The following SUDS3 variants were observed in gnomAD, a reference collection of about 807,000 sequenced individuals.
The protein encoded by SUDS3 is sin3 histone deacetylase corepressor complex component SDS3.
A neutral mutation model predicts 53.5 loss-of-function variants in SUDS3; 23 were observed. The observed-to-expected ratio is 0.43, with a 90% confidence interval of 0.31 to 0.61. The LOEUF (loss-of-function observed/expected upper bound fraction) is 0.61. Among genes scored for constraint, SUDS3 ranks in the 20% least tolerant of loss-of-function variants. The probability of loss-of-function intolerance (pLI) is 0.10; values close to 1 mark genes in which losing one functional copy is unlikely to be tolerated. For synonymous variants in SUDS3, 150 were observed against 148.5 expected (o/e 1.01, Z -0.08); for missense variants, 291 against 405.9 (o/e 0.72, Z 2.43).
chr12:118,393,981 C>G (rs1379631043), intron 6 of SUDS3, among the ~76,000 whole-genome samples: 4 of 152,102 alleles, frequency 2.6e-5, no homozygotes, highest in African/African-American at 4.8e-5. Context: ...TGAGATCCTG[C>G]ATTTCTAACC....
In SUDS3 at chr12:118,416,989, A is replaced by G. The variant is rs914745183; in HGVS notation, c.*2556A>G. ...GTGTTGTGTTAGAGGCATCTGCCTC[A>G]AGTCTATGTACAGTGTTTGCTGCGG... On this transcript the variant is annotated 3_prime_UTR_variant, in exon 12 of 12. Coordinates refer to ENST00000543473, the MANE Select transcript of SUDS3 (RefSeq NM_022491.3). 5 of 152,328 alleles carry G rather than the reference A, an allele frequency of 3.3e-5. No individual in the cohort carries two copies. The highest frequency in any genetic ancestry group is 1.2e-4 in the African/African-American group (5 of 41,572). The allele number at this position is 152,328 out of a possible 1,614,324, so 9.4% of individuals were successfully genotyped here.
intron 1 of SUDS3, among the ~76,000 whole-genome samples, chr12:118,378,461 T>C (rs1452654086): frequency 7.9e-5 from 12 of 152,018 alleles, no homozygotes; most frequent in Admixed American, 3.9e-4. Context: ...TATTTACATT[T>C]TATTGGATAT....
At chr12:118,398,211 C>T (rs1355094114) in intron 6 of SUDS3, among the ~76,000 whole-genome samples, 2 of 152,176 alleles carry the variant, frequency 1.3e-5, no homozygotes, top group Admixed American at 6.5e-5. Flanking sequence ...CATATCATCA[C>T]ATGTAACCCT....
chr12:118,405,001 C>G (rs2046297153), intron 10 of SUDS3, among the ~76,000 whole-genome samples: 1 of 152,188 alleles, frequency 6.6e-6, no homozygotes, highest in Non-Finnish European at 1.5e-5. Flanking sequence ...ATCTCTAAGG[C>G]TGATCTTGAT....
intron 5 of SUDS3, among the ~76,000 whole-genome samples, chr12:118,390,427 T>C (rs1333638799): frequency 1.3e-5 from 2 of 152,228 alleles, no homozygotes; most frequent in Non-Finnish European, 2.9e-5. Context: ...GAATCTTGAA[T>C]GATGTACTGC....
intron 1 of SUDS3, 25 bp from the exon 2 acceptor site, chr12:118,380,137 G>A (rs1217607346): frequency 4.4e-6 from 7 of 1,586,324 alleles, no homozygotes; most frequent in Non-Finnish European, 2.6e-6. Context: ...ATTTTAACTA[G>A]CCCCTATTTC....
In SUDS3 at chr12:118,401,582, T is replaced by G. The variant is rs547825297; in HGVS notation, c.614-177T>G. On this transcript the variant is annotated intron_variant, in intron 7 of 11. Transcript: ENST00000543473. ...GGGGGATGTGAATTCTTTTATGTAT[T>G]GAAGTACCATGACATTTAGTAGGAG... Among the ~76,000 whole-genome samples the G allele has an allele frequency of 2.2e-4, 34 of 152,354 alleles. No homozygotes were observed. The South Asian group carries it at 6.8e-3, about 31-fold the overall frequency.
intron 2 of SUDS3, among the ~76,000 whole-genome samples, chr12:118,380,784 A>G (rs1593750108): frequency 6.6e-6 from 1 of 152,098 alleles, no homozygotes; most frequent in African/African-American, 2.4e-5. Context: ...TCCTCACTGC[A>G]ACCACCGCCT....
intron 2 of SUDS3, among the ~76,000 whole-genome samples, chr12:118,383,434 T>G (rs556803538): frequency 6.6e-6 from 1 of 152,362 alleles, no homozygotes; most frequent in South Asian, 2.1e-4. Flanking sequence ...TCGTGTGTGC[T>G]GTGTATTCCC....
At chr12:118,391,326 G>T (rs941511158) in intron 6 of SUDS3, 44 bp downstream of exon 6, 2 of 1,565,012 alleles carry the variant, frequency 1.3e-6, no homozygotes, top group Non-Finnish European at 8.6e-7. Flanking sequence ...CCCTGAGCGG[G>T]GGGGTGTGAA....
Position 118,403,445 on chromosome 12 carries a change from C to T in SUDS3, c.731C>T (p.Thr244Ile). Reference protein sequence around the residue: ...SPSSPEHLPATPAESPAQRFE... With the variant: ...SPSSPEHLPAIPAESPAQRFE... ...TCCTCTCCTGAGCACTTGCCTGCAA[C>T]ACCCGCGGAATCTCCAGCCCAGAGG... The change falls in exon 10 of 12, where the codon ACA becomes ATA. Residue 244 changes from threonine (T) to isoleucine (I), a missense_variant. Physicochemically the swap from Thr to Ile is moderately conservative, Grantham distance 89. Transcript: ENST00000543473. 1 of 1,613,732 alleles carries T rather than the reference C, an allele frequency of 6.2e-7. No homozygotes were observed. The highest frequency in any genetic ancestry group is 8.5e-7 in the Non-Finnish European group (1 of 1,179,814).
At chr12:118,404,921 C>T (rs1566207987) in intron 10 of SUDS3, among the ~76,000 whole-genome samples, 2 of 152,106 alleles carry the variant, frequency 1.3e-5, no homozygotes, top group African/African-American at 2.4e-5. Context: ...TAGTCATGGC[C>T]GAAGTAAATC....
chr12:118,396,006 C>T (rs770514588), intron 6 of SUDS3, among the ~76,000 whole-genome samples: 5 of 152,086 alleles, frequency 3.3e-5, no homozygotes, highest in Non-Finnish European at 7.4e-5. Context: ...TTCCCCACCC[C>T]CACAAACCTT....
In SUDS3 at chr12:118,400,864, C is replaced by T. The variant is rs2141381370; in HGVS notation, c.613+110C>T. Reference sequence around the variant, plus strand: ...GCCGTTGTCCTACAGAAAATAGTAACATTTAACTGGAAAGCGTGTGTTAAA... The same window carrying T: ...GCCGTTGTCCTACAGAAAATAGTAATATTTAACTGGAAAGCGTGTGTTAAA... On this transcript the variant is annotated intron_variant, in intron 7 of 11. Coordinates refer to ENST00000543473, the MANE Select transcript of SUDS3 (RefSeq NM_022491.3). The T allele has an allele frequency of 4.0e-6, 4 of 1,011,974 alleles. No homozygotes were observed. In the East Asian group the frequency reaches 9.8e-5, roughly 25 times the overall value. The allele number at this position is 1,011,974 out of a possible 1,614,324, so 62.7% of individuals were successfully genotyped here.
intron 2 of SUDS3, among the ~76,000 whole-genome samples, chr12:118,383,654 G>A (rs2046087884): frequency 6.6e-6 from 1 of 152,244 alleles, no homozygotes; most frequent in African/African-American, 2.4e-5. Context: ...TAGAGTTGAT[G>A]TAAGAGTTGT....
At chr12:118,400,197 G>A (rs2046251814) in intron 6 of SUDS3, among the ~76,000 whole-genome samples, 1 of 152,210 alleles carries the variant, frequency 6.6e-6, no homozygotes, top group Admixed American at 6.5e-5. Context: ...GTATAAAAAT[G>A]TTGGCACTGA....
chr12:118,403,109 C>CA (rs2046278350), intron 9 of SUDS3, among the ~76,000 whole-genome samples: 1 of 152,130 alleles, frequency 6.6e-6, no homozygotes, highest in Non-Finnish European at 1.5e-5. Context: ...CTTTGATCAC[C>CA]AGGGCTTTAG....
At chr12:118,403,381 T>A in intron 9 of SUDS3, 31 bp from the exon 10 acceptor site, 1 of 1,548,234 alleles carries the variant, frequency 6.5e-7, no homozygotes, top group Non-Finnish European at 8.9e-7. Flanking sequence ...TTTGTTACAT[T>A]CTTAGTCACG....
intron 11 of SUDS3, among the ~76,000 whole-genome samples, chr12:118,413,361 C>A (rs376818094): frequency 7.9e-5 from 12 of 152,180 alleles, no homozygotes; most frequent in East Asian, 5.8e-4. Flanking sequence ...CAAGAAGAAG[C>A]CAGAGACTGC....
Sources: gnomAD v4.1 joint callset for allele counts (sites outside exome capture counted in the v4.1 genomes callset) on GRCh38, gnomAD v4.1.1 for gene constraint, MANE v1.5 for transcripts, NCBI Gene and HGNC (gene_info 2026-07-23, HGNC 2026-07-21) for gene names.